Variants in RXRB observed in about 807,000 individuals in gnomAD.
RXRB encodes retinoic acid receptor RXR-beta.
Under a neutral mutation model 52.5 loss-of-function variants are expected in RXRB, and 18 were observed. The ratio of observed to expected loss-of-function variants is 0.34; its 90% CI spans 0.24 to 0.51. RXRB has a LOEUF of 0.51. Ranked by LOEUF, RXRB falls within the 20% of genes least tolerant of loss-of-function variation. The probability of loss-of-function intolerance (pLI) is 0.97; values close to 1 mark genes in which losing one functional copy is unlikely to be tolerated. For synonymous variants in RXRB, 233 were observed against 267.1 expected, an observed-to-expected ratio of 0.87 and a Z score of 1.25; for missense variants, 455 against 698.2, an observed-to-expected ratio of 0.65 and a Z score of 3.92.
intron 1 of RXRB, chr6:33,199,838 G>A (rs1387936537): frequency 8.7e-6 from 5 of 572,412 alleles, no homozygotes; most frequent in South Asian, 4.3e-5. Context: ...CTGTCTCGTG[G>A]GTGGGGCAGC....
At chr6:33,199,453 A>C (rs139318438) in intron 1 of RXRB, 37 bp from the exon 2 acceptor site, 33 of 1,263,024 alleles carry the variant, frequency 2.6e-5, no homozygotes, top group Non-Finnish European at 3.1e-5. Flanking sequence ...CAGACACACA[A>C]GAGACAGAAG....
intron 3 of RXRB, 42 bp downstream of exon 3, chr6:33,198,266 G>A: frequency 6.2e-7 from 1 of 1,612,356 alleles, no homozygotes; most frequent in African/African-American, 1.3e-5. Context: ...GATGATACAT[G>A]GCCCAGACTC....
In RXRB at chr6:33,198,384, GC is replaced by G; in HGVS notation, c.563del (p.Gly188AlafsTer83). 2 of 1,612,724 alleles carry G rather than the reference GC, an allele frequency of 1.2e-6. No individual in the cohort carries two copies. Among genetic ancestry groups the G allele is most frequent in the Non-Finnish European group, 1.7e-6 (2 of 1,179,818 alleles). On this transcript the variant is annotated frameshift_variant, in exon 3 of 10. Coordinates refer to ENST00000374680, the MANE Select transcript of RXRB (RefSeq NM_021976.5). LOFTEE classifies it high-confidence loss of function. ...CACCTGGAGGGGGTGGACAGTGCAG[GC>G]CCCGGACCCCTAAGACTGGTGGCTT... is the stretch of plus-strand genomic sequence containing the variant. ...DVKPPVLGVR[G>X]LHCPPPPGGP...
chr6:33,196,682 G>T lies in RXRB; in HGVS notation c.821-76C>A. On this transcript the variant is annotated intron_variant, in intron 4 of 9. Coordinates refer to ENST00000374680, the MANE Select transcript of RXRB (RefSeq NM_021976.5). The surrounding 1 kb of genome is among the most constrained non-coding windows in gnomAD (Gnocchi z 4.0). ...AAGGGGTTCCACAAATATCCTTACGGCCTCATCAGGATCTCATGGCCCTTG... is the reference window on the plus strand; with the variant it reads ...AAGGGGTTCCACAAATATCCTTACGTCCTCATCAGGATCTCATGGCCCTTG... The T allele has an allele frequency of 7.8e-7, 1 of 1,287,590 alleles. No individual in the cohort carries two copies. The highest frequency in any genetic ancestry group is 1.1e-6 in the Non-Finnish European group (1 of 923,304). 79.8% of individuals were successfully genotyped at this position (1,287,590 alleles called of 1,614,324 possible). A position where few individuals can be genotyped will look rare whatever the true frequency, so the allele number is the denominator to read the frequency against.
rs752011576 is a variant in RXRB, at chr6:33,200,340, G to A, written c.137C>T (p.Ala46Val). 1.9e-6 allele frequency: 3 copies of A among 1,582,342 alleles called. No individual in the cohort carries two copies. The highest frequency in any genetic ancestry group is 1.3e-5 in the African/African-American group (1 of 74,258). Reference sequence around the variant, plus strand: ...TGCCACCGCCGCCGCCGCCGCCGCTGCGGGATCCAGCCAGGGCCGTCGCCG... The same window carrying A: ...TGCCACCGCCGCCGCCGCCGCCGCTACGGGATCCAGCCAGGGCCGTCGCCG... ...WRRRRPWLDPAAAAAAAVAGG... is the reference protein window; with the variant it reads ...WRRRRPWLDPVAAAAAAVAGG... The change falls in exon 1 of 10, where the codon GCA (alanine) becomes GTA (valine). Residue 46 changes from alanine to valine, a missense_variant. Ala to Val is a moderately conservative substitution (Grantham distance 64). This residue lies in a region of RXRB where 225 missense variants were observed against 258.6 expected (regional missense o/e 0.87). Transcript: ENST00000374680. This position sits in a 1 kb window ranked among gnomAD's most constrained non-coding sequence, Gnocchi z 6.3.
intron 3 of RXRB, 103 bp downstream of exon 3, chr6:33,198,205 C>A: frequency 6.6e-7 from 1 of 1,522,346 alleles, no homozygotes; most frequent in South Asian, 1.1e-5. Context: ...CAGGCCTCCC[C>A]CAGGTCACTT....
chr6:33,199,059 G>C (rs1774175331), intron 2 of RXRB, 110 bp downstream of exon 2: 1 of 745,804 alleles, frequency 1.3e-6, no homozygotes, highest in African/African-American at 1.8e-5. Context: ...GACAAGGTTA[G>C]AGGATTGGAA....
rs1286431084 is a variant in RXRB, at chr6:33,198,366, A to C, written c.582T>G (p.Pro194=). 6.2e-7 allele frequency: 1 copy of C among 1,612,978 alleles called. No homozygotes were observed. The highest frequency in any genetic ancestry group is 1.7e-5 in the Admixed American group (1 of 60,024). Residue 194 remains proline (P), a synonymous_variant, in exon 3 of 10, where the codon CCT becomes CCG. Coordinates refer to ENST00000374680, the MANE Select transcript of RXRB (RefSeq NM_021976.5). Reference sequence around the variant, plus strand: ...GTTTGCCAGCCCCAGGGCCACCTGGAGGGGGTGGACAGTGCAGGCCCCGGA... The same window carrying C: ...GTTTGCCAGCCCCAGGGCCACCTGGCGGGGGTGGACAGTGCAGGCCCCGGA... The part of the protein sequence containing the change: ...LGVRGLHCPP[P]PGGPGAGKRL...
rs747808391 is a variant in RXRB, at chr6:33,196,655, T to C, written c.821-49A>G. The C allele has an allele frequency of 1.3e-6, 2 of 1,499,678 alleles. No homozygotes were observed. Among genetic ancestry groups the C allele is most frequent in the South Asian group, 1.3e-5 (1 of 78,892 alleles). The allele number at this position is 1,499,678 out of a possible 1,614,324, so 92.9% of individuals were successfully genotyped here. A position where few individuals can be genotyped will look rare whatever the true frequency, so the allele number is the denominator to read the frequency against. Reference sequence around the variant, plus strand: ...AAAATGGAAAGTCAGCAGCCAGCCATGAAGGGGTTCCACAAATATCCTTAC... The same window carrying C: ...AAAATGGAAAGTCAGCAGCCAGCCACGAAGGGGTTCCACAAATATCCTTAC... On this transcript the variant is annotated intron_variant, in intron 4 of 9. Transcript: ENST00000374680. This position sits in a 1 kb window ranked among gnomAD's most constrained non-coding sequence, Gnocchi z 4.0.
upstream of RXRB, chr6:33,200,680 G>C: frequency 6.5e-7 from 1 of 1,543,280 alleles, no homozygotes. The surrounding 1 kb of genome is among the most constrained non-coding windows in gnomAD (Gnocchi z 6.3). Flanking sequence ...CTCGGCGCGA[G>C]TTCCCGCCCC....
rs1773888103 is a variant in RXRB at position 33,196,288 on chromosome 6, G to C, written c.993+146C>G. 7.9e-6 allele frequency: 8 copies of C among 1,008,314 alleles called. No individual in the cohort carries two copies. Among genetic ancestry groups the C allele is most frequent in the Non-Finnish European group, 1.3e-5 (8 of 638,478 alleles). 62.5% of individuals were successfully genotyped at this position (1,008,314 alleles called of 1,614,324 possible). ...GCTATCACATCCACCTCAGATGTTTGAAAGACCTTGTTTGGCAGCACCTCC... is the reference window on the plus strand; with the variant it reads ...GCTATCACATCCACCTCAGATGTTTCAAAGACCTTGTTTGGCAGCACCTCC... On this transcript the variant is annotated intron_variant, in intron 5 of 9. Transcript: ENST00000374680. The surrounding 1 kb of genome is among the most constrained non-coding windows in gnomAD (Gnocchi z 4.0).
Position 33,194,851 on chromosome 6 carries a change from G to A in RXRB, c.1455-22C>T. 1 of 1,612,522 alleles carries A rather than the reference G, an allele frequency of 6.2e-7. No homozygotes were observed. Among genetic ancestry groups the A allele is most frequent in the South Asian group, 1.1e-5 (1 of 91,060 alleles). Reference sequence around the variant, plus strand: ...AAACCTGGGGTGGAGGTGGGAGAAGGGGATTGAGAGCTGGAAGCACACGGG... The same window carrying A: ...AAACCTGGGGTGGAGGTGGGAGAAGAGGATTGAGAGCTGGAAGCACACGGG... On this transcript the variant is annotated intron_variant, in intron 9 of 9. Transcript: ENST00000374680. This position sits in a 1 kb window ranked among gnomAD's most constrained non-coding sequence, Gnocchi z 4.1.
At chr6:33,198,254 G>T in intron 3 of RXRB, 54 bp downstream of exon 3, 1 of 1,610,582 alleles carries the variant, frequency 6.2e-7, no homozygotes, top group Non-Finnish European at 8.5e-7. Flanking sequence ...AATCCCACAG[G>T]TGATGATACA....
chr6:33,198,504 T>C lies in RXRB; in HGVS notation c.484-40A>G, dbSNP rs767252075. ...ATAGGGAAGTCACAGGAAGACTTATTGGGAAGCAGAATGTCACAGAAGTGA... is the reference window on the plus strand; with the variant it reads ...ATAGGGAAGTCACAGGAAGACTTATCGGGAAGCAGAATGTCACAGAAGTGA... On this transcript the variant is annotated intron_variant, in intron 2 of 9. Coordinates refer to ENST00000374680, the MANE Select transcript of RXRB (RefSeq NM_021976.5). 26 of 1,580,794 alleles carry C rather than the reference T, an allele frequency of 1.6e-5. No homozygotes were observed. The South Asian group carries it at 2.9e-4, about 17-fold the overall frequency.
chr6:33,199,288 G>A lies in RXRB; in HGVS notation c.364C>T (p.Pro122Ser). The A allele has an allele frequency of 1.9e-6, 2 of 1,069,186 alleles. No homozygotes were observed. Among genetic ancestry groups the A allele is most frequent in the East Asian group, 6.5e-5 (2 of 30,960 alleles). The allele number at this position is 1,069,186 out of a possible 1,614,324, so 66.2% of individuals were successfully genotyped here. A position where few individuals can be genotyped will look rare whatever the true frequency, so the allele number is the denominator to read the frequency against. Residue 122 changes from proline (P) to serine (S), a missense_variant, in exon 2 of 10, where the codon CCC (proline) becomes TCC (serine). Around this residue, in one of 4 missense-constraint regions of RXRB, gnomAD observed 225 missense variants for 258.6 expected, o/e 0.87. Coordinates refer to ENST00000374680, the MANE Select transcript of RXRB (RefSeq NM_021976.5). ...CCCAGTGGGGGTGGTGGCATCGGGG[G>A]TGGGGGTGGGGCCCCAGAGCCTCCA... is the stretch of plus-strand genomic sequence containing the variant. ...SLGGSGAPPP[P>S]PMPPPPLGSP...
Position 33,194,897 on chromosome 6 carries a change from C to T in RXRB, c.1454+48G>A. 6.2e-7 allele frequency: 1 copy of T among 1,610,432 alleles called. No homozygotes were observed. The highest frequency in any genetic ancestry group is 8.5e-7 in the Non-Finnish European group (1 of 1,178,010). ...ACGGGCCCTGAACACATCCTCATAG[C>T]ACTCCCCACCCCCAAGGGAGCCTCA... is the stretch of plus-strand genomic sequence containing the variant. On this transcript the variant is annotated intron_variant, in intron 9 of 9. Transcript: ENST00000374680. This position sits in a 1 kb window ranked among gnomAD's most constrained non-coding sequence, Gnocchi z 4.1.
rs765224273 is a variant in RXRB at position 33,196,297 on chromosome 6, T to A, written c.993+137A>T. On this transcript the variant is annotated intron_variant, in intron 5 of 9. Transcript: ENST00000374680. This position sits in a 1 kb window ranked among gnomAD's most constrained non-coding sequence, Gnocchi z 4.0. ...TCCACCTCAGATGTTTGAAAGACCTTGTTTGGCAGCACCTCCAGTCCCAAG... is the reference window on the plus strand; with the variant it reads ...TCCACCTCAGATGTTTGAAAGACCTAGTTTGGCAGCACCTCCAGTCCCAAG... The A allele has an allele frequency of 9.5e-7, 1 of 1,048,938 alleles. No individual in the cohort carries two copies. 65.0% of individuals were successfully genotyped at this position (1,048,938 alleles called of 1,614,324 possible). A position where few individuals can be genotyped will look rare whatever the true frequency, so the allele number is the denominator to read the frequency against.
In RXRB at chr6:33,198,422, G is replaced by A; in HGVS notation, c.526C>T (p.Pro176Ser). 6.2e-7 allele frequency: 1 copy of A among 1,612,180 alleles called. No homozygotes were observed. Among genetic ancestry groups the A allele is most frequent in the Non-Finnish European group, 8.5e-7 (1 of 1,179,518 alleles). Reference protein sequence around the residue: ...VSLPGGGSGPPEDVKPPVLGV... With the variant: ...VSLPGGGSGPSEDVKPPVLGV... ...AAGACTGGTGGCTTCACATCTTCAG[G>A]GGGGCCAGACCCACCCCCAGGGAGT... Residue 176 changes from proline to serine, a missense_variant, in exon 3 of 10, where the codon CCT (proline) becomes TCT (serine). By Grantham distance (74) the Pro-to-Ser change is moderately conservative (BLOSUM62 -1). This residue lies in a region of RXRB where 225 missense variants were observed against 258.6 expected (regional missense o/e 0.87). Transcript: ENST00000374680.
chr6:33,196,665 C>G lies in RXRB; in HGVS notation c.821-59G>C. The G allele has an allele frequency of 2.8e-6, 4 of 1,413,220 alleles. No homozygotes were observed. The highest frequency in any genetic ancestry group is 3.9e-6 in the Non-Finnish European group (4 of 1,031,960). 87.5% of individuals were successfully genotyped at this position (1,413,220 alleles called of 1,614,324 possible). ...GTCAGCAGCCAGCCATGAAGGGGTTCCACAAATATCCTTACGGCCTCATCA... is the reference window on the plus strand; with the variant it reads ...GTCAGCAGCCAGCCATGAAGGGGTTGCACAAATATCCTTACGGCCTCATCA... On this transcript the variant is annotated intron_variant, in intron 4 of 9. Transcript: ENST00000374680. The surrounding 1 kb of genome is among the most constrained non-coding windows in gnomAD (Gnocchi z 4.0).
Sources: allele counts gnomAD v4.1 joint callset, GRCh38; gene constraint gnomAD v4.1.1; regional missense constraint gnomAD v4.1.1; non-coding constraint Gnocchi (gnomAD v3.1); transcripts MANE v1.5; gene names NCBI Gene and HGNC (gene_info 2026-07-23, HGNC 2026-07-21).